The following RUFY1 variants were observed in gnomAD, a reference collection of about 807,000 sequenced individuals.
RUFY1 encodes the protein RUN and FYVE domain-containing protein 1.
Under a neutral mutation model 94.6 loss-of-function variants are expected in RUFY1, and 54 were observed. That is an observed-to-expected ratio of 0.57 (90% CI 0.46 to 0.72). The LOEUF is 0.72. RUFY1 is among the 30% of genes least tolerant of loss of function. The probability of loss-of-function intolerance (pLI) is 0.00; values close to 1 mark genes in which losing one functional copy is unlikely to be tolerated. For synonymous variants in RUFY1, 396 were observed against 347.3 expected, an observed-to-expected ratio of 1.14 and a Z score of -1.56; for missense variants, 883 against 883.9, an observed-to-expected ratio of 1.00 and a Z score of 0.01.
chr5:179,553,244 G>A (rs1011426924), intron 1 of RUFY1, among the ~76,000 whole-genome samples: 4 of 152,174 alleles, frequency 2.6e-5, no homozygotes, highest in African/African-American at 7.2e-5. Context: ...ACATTAGGCA[G>A]GCAAGTGGGC....
At chr5:179,565,725 G>A (rs924796321) in intron 3 of RUFY1, among the ~76,000 whole-genome samples, 4 of 152,162 alleles carry the variant, frequency 2.6e-5, no homozygotes, top group Admixed American at 6.6e-5. Flanking sequence ...ACCACAAACC[G>A]TGATAATGAT....
chr5:179,577,159 C>CTTTTTTTTTT lies in RUFY1; in HGVS notation c.890+44_890+53dup, dbSNP rs748319712. On this transcript the variant is annotated intron_variant, in intron 6 of 17. Transcript: ENST00000319449. ...GGAGTAAGTACTGCGTTGTATGTCA[C>CTTTTTTTTTT]TTTTTTTTTTTTTTTTTTTTTTTTT... is the stretch of plus-strand genomic sequence containing the variant. The CTTTTTTTTTT allele has an allele frequency of 3.1e-4, 57 of 186,710 alleles. 4 individuals carry two copies. Among genetic ancestry groups the CTTTTTTTTTT allele is most frequent in the South Asian group, 8.5e-4 (19 of 22,350 alleles). 11.6% of individuals were successfully genotyped at this position (186,710 alleles called of 1,614,324 possible). A position where few individuals can be genotyped will look rare whatever the true frequency, so the allele number is the denominator to read the frequency against.
intron 17 of RUFY1, chr5:179,608,723 C>T: frequency 2.8e-6 from 2 of 706,888 alleles, no homozygotes; most frequent in Non-Finnish European, 3.5e-6. Flanking sequence ...GTCAGAAGTT[C>T]AAGACCAGTC....
chr5:179,565,993 A>T (rs1176091071), intron 3 of RUFY1, among the ~76,000 whole-genome samples: 3 of 151,976 alleles, frequency 2.0e-5, no homozygotes, highest in African/African-American at 2.4e-5. Context: ...AAAAAAAATT[A>T]GTTGGGTGTG....
intron 4 of RUFY1, among the ~76,000 whole-genome samples, chr5:179,568,847 A>G (rs781332507): frequency 2.0e-5 from 3 of 152,196 alleles, no homozygotes; most frequent in Admixed American, 6.6e-5. Context: ...TGGCCGCGAT[A>G]ACTGGGCAAT....
chr5:179,572,641 C>T (rs146032747), intron 5 of RUFY1: 336 of 197,942 alleles, frequency 1.7e-3, no homozygotes, highest in African/African-American at 6.8e-3. Flanking sequence ...CATTCCAGTA[C>T]GCAGATGAGC....
intron 14 of RUFY1, chr5:179,599,670 G>C (rs918785676): frequency 6.6e-6 from 1 of 152,408 alleles, no homozygotes; most frequent in African/African-American, 2.4e-5. Context: ...TCCCAGAGGG[G>C]AGGAGGCTCT....
At chr5:179,608,783 T>C (rs1767379694) in intron 17 of RUFY1, among the ~76,000 whole-genome samples, 1 of 151,164 alleles carries the variant, frequency 6.6e-6, no homozygotes, top group Non-Finnish European at 1.5e-5. Flanking sequence ...ATACAAAAAC[T>C]AACCGGGCAC....
intron 7 of RUFY1, among the ~76,000 whole-genome samples, chr5:179,581,400 A>C (rs1015549045): frequency 6.6e-6 from 1 of 151,612 alleles, no homozygotes; most frequent in East Asian, 1.9e-4. Flanking sequence ...TAGGCCCTCC[A>C]GAGCAATGTA....
chr5:179,558,308 C>A (rs150451599), intron 1 of RUFY1, among the ~76,000 whole-genome samples: 1 of 152,140 alleles, frequency 6.6e-6, no homozygotes, highest in African/African-American at 2.4e-5. Context: ...CATGGTGGCT[C>A]ACGCCTGTAA....
intron 7 of RUFY1, among the ~76,000 whole-genome samples, chr5:179,582,735 C>T (rs1344463321): frequency 1.3e-5 from 2 of 151,972 alleles, no homozygotes; most frequent in East Asian, 3.9e-4. Context: ...CCCAGTTACT[C>T]GAGAGGCTGA....
At chr5:179,600,683 A>ATTT (rs1766266349) in intron 14 of RUFY1, among the ~76,000 whole-genome samples, 2 of 108,834 alleles carry the variant, frequency 1.8e-5, no homozygotes, top group Non-Finnish European at 3.7e-5. Context: ...TATGATGGTA[A>ATTT]CTTTTTTTTT....
intron 7 of RUFY1, among the ~76,000 whole-genome samples, chr5:179,581,653 C>T (rs1489241711): frequency 2.0e-5 from 3 of 151,590 alleles, no homozygotes; most frequent in South Asian, 4.2e-4. Context: ...GGTGCAGTTA[C>T]GGACACATTG....
At chr5:179,579,398 T>C (rs1267109454) in intron 6 of RUFY1, among the ~76,000 whole-genome samples, 1 of 152,160 alleles carries the variant, frequency 6.6e-6, no homozygotes, top group Non-Finnish European at 1.5e-5. Context: ...CGGCACTATC[T>C]GAGCGCACTG....
At chr5:179,591,595 A>G in intron 9 of RUFY1, 30 bp from the exon 10 acceptor site, 2 of 1,369,558 alleles carry the variant, frequency 1.5e-6, no homozygotes, top group Non-Finnish European at 2.1e-6. Context: ...ATAAGCAAAC[A>G]ATTCCTCTTG....
intron 1 of RUFY1, among the ~76,000 whole-genome samples, chr5:179,552,982 G>T (rs1188286596): frequency 6.6e-6 from 1 of 152,230 alleles, no homozygotes; most frequent in Non-Finnish European, 1.5e-5. Flanking sequence ...TTCATGGGTG[G>T]ACAGTCAATG....
chr5:179,590,689 A>G (rs1411570636), intron 9 of RUFY1, among the ~76,000 whole-genome samples: 1 of 151,840 alleles, frequency 6.6e-6, no homozygotes, highest in Non-Finnish European at 1.5e-5. Flanking sequence ...GGGTTTCACC[A>G]TGTTGGCCAG....
At position 179,567,493 on chromosome 5, in the gene RUFY1, A is replaced by T; in HGVS notation, c.635A>T (p.Tyr212Phe). 6.2e-7 allele frequency: 1 copy of T among 1,614,132 alleles called. No homozygotes were observed. The highest frequency in any genetic ancestry group is 1.3e-5 in the African/African-American group (1 of 75,068). The change falls in exon 4 of 18, where the codon TAT (tyrosine) becomes TTT (phenylalanine). Residue 212 changes from tyrosine to phenylalanine, a missense_variant. Coordinates refer to ENST00000319449, the MANE Select transcript of RUFY1 (RefSeq NM_025158.5). ...GTGGGAAGAGGCCGAGCGTGGCTTT[A>T]TCTTGCACTCATGCAAAAGAAACTG... Reference protein sequence around the residue: ...TAVGRGRAWLYLALMQKKLAD... With the variant: ...TAVGRGRAWLFLALMQKKLAD...
intron 4 of RUFY1, among the ~76,000 whole-genome samples, chr5:179,568,646 C>A (rs1380118119): frequency 1.3e-5 from 2 of 152,150 alleles, no homozygotes; most frequent in Non-Finnish European, 2.9e-5. Flanking sequence ...GGATACTATG[C>A]ATGTATACAC....
Sources: allele counts gnomAD v4.1 joint callset (sites outside exome capture counted in the v4.1 genomes callset), GRCh38; gene constraint gnomAD v4.1.1; transcripts MANE v1.5; gene names NCBI Gene and HGNC (gene_info 2026-07-23, HGNC 2026-07-21).